The following RPS3 variants were observed in gnomAD, a reference collection of about 807,000 sequenced individuals.
RPS3 encodes the protein ribosomal protein S3.
Under a neutral mutation model 25.8 loss-of-function variants are expected in RPS3, and 2 were observed. The ratio of observed to expected loss-of-function variants is 0.08; its 90% CI spans 0.03 to 0.24. The LOEUF is 0.24. Among genes scored for constraint, RPS3 ranks in the 10% least tolerant of loss-of-function variants. RPS3 has a pLI of 1.00. For missense variants in RPS3, 107 were observed against 307.1 expected, an observed-to-expected ratio of 0.35 and a Z score of 4.87; for synonymous variants, 114 against 114.2, an observed-to-expected ratio of 1.00 and a Z score of 0.01.
chr11:75,402,902 T>C (rs1385851882), intron 4 of RPS3: 1 of 154,298 alleles, frequency 6.5e-6, no homozygotes, highest in East Asian at 1.9e-4. Context: ...ATCTGCTTAG[T>C]GTGTTCACTC....
downstream of RPS3, among the ~76,000 whole-genome samples, chr11:75,407,207 C>T (rs541110829): frequency 1.1e-3 from 171 of 152,274 alleles, 1 homozygote; most frequent in Non-Finnish European, 1.9e-3. Flanking sequence ...GGTGCTATAT[C>T]GGCTTACTGC....
intron 2 of RPS3, among the ~76,000 whole-genome samples, chr11:75,401,178 G>A (rs1948205008): frequency 6.6e-6 from 1 of 152,156 alleles, no homozygotes; most frequent in Non-Finnish European, 1.5e-5. Flanking sequence ...CACCGCGCCC[G>A]GCAGGTTTAT....
Position 75,404,448 on chromosome 11 carries a change from G to A in RPS3, c.539-224G>A, listed in dbSNP as rs182326173. On this transcript the variant is annotated intron_variant, in intron 5 of 6. Transcript: ENST00000531188. This position sits in a 1 kb window ranked among gnomAD's most constrained non-coding sequence, Gnocchi z 4.6. Reference sequence around the variant, plus strand: ...TCAGTGATGACACGATGACGAGTCAGAAAGGTCACGTCCTGCTCTTGGTCC... The same window carrying A: ...TCAGTGATGACACGATGACGAGTCAAAAAGGTCACGTCCTGCTCTTGGTCC... 4.1e-5 allele frequency: 32 copies of A among 788,140 alleles called. No individual in the cohort carries two copies. Among genetic ancestry groups the A allele is most frequent in the Non-Finnish European group, 6.0e-5 (26 of 432,466 alleles). 48.8% of individuals were successfully genotyped at this position (788,140 alleles called of 1,614,324 possible). A position where few individuals can be genotyped will look rare whatever the true frequency, so the allele number is the denominator to read the frequency against.
chr11:75,403,976 G>T, intron 4 of RPS3, 44 bp from the exon 5 acceptor site: 2 of 1,561,574 alleles, frequency 1.3e-6, no homozygotes, highest in Non-Finnish European at 1.7e-6. Context: ...ACTTGGTGGA[G>T]GTCCTTGGCA....
intron 4 of RPS3, 63 bp from the exon 5 acceptor site, chr11:75,403,957 G>GT: frequency 6.7e-7 from 1 of 1,498,406 alleles, no homozygotes; most frequent in East Asian, 2.3e-5. Flanking sequence ...TCTTTGTTTT[G>GT]TTTTTTAAAC....
At position 75,399,547 on chromosome 11, in the gene RPS3, G is replaced by C. The variant is rs1211177551; in HGVS notation, c.-1G>C. ...TCCTTTCAGCGGAGCGCGGCGGCAA[G>C]ATGGCAGTGCAAATATCCAAGAAGA... On this transcript the variant is annotated 5_prime_UTR_variant, in exon 1 of 7. Coordinates refer to ENST00000531188, the MANE Select transcript of RPS3 (RefSeq NM_001005.5). 3.7e-6 allele frequency: 6 copies of C among 1,614,036 alleles called. No individual in the cohort carries two copies. The highest frequency in any genetic ancestry group is 1.7e-5 in the Admixed American group (1 of 60,020).
chr11:75,400,481 A>T (rs1421805636), intron 1 of RPS3: 2 of 689,126 alleles, frequency 2.9e-6, no homozygotes, highest in Admixed American at 1.8e-5. Flanking sequence ...GCACAGTTTA[A>T]AGAGCCCTGG....
Position 75,406,876 on chromosome 11 carries a change from A to C in RPS3, c.*1266A>C, listed in dbSNP as rs888308828. On this transcript the variant is annotated 3_prime_UTR_variant, in exon 7 of 7. Transcript: ENST00000531188. ...GTAACAGCTATGTAGCATGTACATT[A>C]GGTATTAAAAGTAATCCAGTGAAGA... 1 of 152,350 alleles carries C rather than the reference A, an allele frequency of 6.6e-6. No homozygotes were observed. Among genetic ancestry groups the C allele is most frequent in the East Asian group, 1.9e-4 (1 of 5,186 alleles). 9.4% of individuals were successfully genotyped at this position (152,350 alleles called of 1,614,324 possible).
At chr11:75,401,315 G>C (rs909558329) in intron 2 of RPS3, among the ~76,000 whole-genome samples, 1 of 152,108 alleles carries the variant, frequency 6.6e-6, no homozygotes, top group African/African-American at 2.4e-5. Context: ...AGATCAGCCG[G>C]GGCAACATGG....
intron 4 of RPS3, 61 bp downstream of exon 4, chr11:75,402,507 AT>A (rs17886478): frequency 0.076 from 115,699 of 1,525,968 alleles, 5,950 homozygotes; most frequent in South Asian, 0.22. Context: ...CATGTCTGCC[AT>A]TTGTTAATTT....
chr11:75,419,912 T>A (rs1329866113), intron 6 of RPS3, among the ~76,000 whole-genome samples: 1 of 152,216 alleles, frequency 6.6e-6, no homozygotes, highest in Non-Finnish European at 1.5e-5. Flanking sequence ...GGGTTTACAG[T>A]CATTTTTTTA....
chr11:75,400,611 T>A (rs1227483907), intron 1 of RPS3, 83 bp from the exon 2 acceptor site: 1 of 1,577,794 alleles, frequency 6.3e-7, no homozygotes, highest in Non-Finnish European at 8.7e-7. Context: ...GAGGGATGCA[T>A]TGACTAATAA....
At chr11:75,402,121 G>A (rs1472450405) in intron 3 of RPS3, 4 of 593,976 alleles carry the variant, frequency 6.7e-6, no homozygotes, top group Non-Finnish European at 1.2e-5. Context: ...GCCTCCGTAG[G>A]CTACGTTGGA....
chr11:75,420,480 G>A (rs1360704477), intron 6 of RPS3, among the ~76,000 whole-genome samples: 1 of 152,200 alleles, frequency 6.6e-6, no homozygotes, highest in Non-Finnish European at 1.5e-5. Flanking sequence ...GCAGTGTGGA[G>A]AGAGCTGGCT....
intron 6 of RPS3, among the ~76,000 whole-genome samples, chr11:75,421,222 C>A (rs1489937369): frequency 6.6e-6 from 1 of 152,168 alleles, no homozygotes; most frequent in Admixed American, 6.5e-5. Context: ...GCCTTTACTC[C>A]TGCCATGATG....
At chr11:75,407,264 G>A (rs1948298659), downstream of RPS3, among the ~76,000 whole-genome samples, 1 of 151,808 alleles carries the variant, frequency 6.6e-6, no homozygotes, top group South Asian at 2.1e-4. Flanking sequence ...TCAGCCTCCC[G>A]CTAGCTGGGA....
chr11:75,414,261 A>G (rs566956063), intron 6 of RPS3, among the ~76,000 whole-genome samples: 4 of 152,348 alleles, frequency 2.6e-5, no homozygotes, highest in Admixed American at 2.6e-4. Context: ...ACTGGTAGAA[A>G]TATGGCTATT....
intron 6 of RPS3, among the ~76,000 whole-genome samples, chr11:75,417,399 T>C (rs957270797): frequency 3.9e-5 from 6 of 151,972 alleles, no homozygotes; most frequent in Non-Finnish European, 8.8e-5. Context: ...GTCGAGACCA[T>C]CCTGGCTAAC....
In RPS3 at chr11:75,406,450, C is replaced by G. The variant is rs1028247496; in HGVS notation, c.*840C>G. On this transcript the variant is annotated 3_prime_UTR_variant, in exon 7 of 7. Coordinates refer to ENST00000531188, the MANE Select transcript of RPS3 (RefSeq NM_001005.5). ...AGGTGGCTGCTTCCTGGTGATGCAGCCTGGCTGATGAGATAACCCTGGCTC... is the reference window on the plus strand; with the variant it reads ...AGGTGGCTGCTTCCTGGTGATGCAGGCTGGCTGATGAGATAACCCTGGCTC... The G allele has an allele frequency of 1.3e-5, 2 of 152,168 alleles. No individual in the cohort carries two copies. Among genetic ancestry groups the G allele is most frequent in the Non-Finnish European group, 1.5e-5 (1 of 68,044 alleles). 9.4% of individuals were successfully genotyped at this position (152,168 alleles called of 1,614,324 possible). A position where few individuals can be genotyped will look rare whatever the true frequency, so the allele number is the denominator to read the frequency against.
Sources: allele counts gnomAD v4.1 joint callset (sites outside exome capture counted in the v4.1 genomes callset), GRCh38; gene constraint gnomAD v4.1.1; non-coding constraint Gnocchi (gnomAD v3.1); transcripts MANE v1.5; gene names NCBI Gene and HGNC (gene_info 2026-07-23, HGNC 2026-07-21).